Variants in ESRRG observed in about 807,000 individuals in gnomAD.
ESRRG encodes estrogen-related receptor gamma.
A neutral mutation model predicts 44.0 loss-of-function variants in ESRRG; 13 were observed. The ratio of observed to expected loss-of-function variants is 0.30; its 90% CI spans 0.19 to 0.47. ESRRG has a LOEUF of 0.47. Among genes scored for constraint, ESRRG ranks in the 20% least tolerant of loss-of-function variants. The pLI is 1.00. For missense variants in ESRRG, 395 were observed against 580.6 expected, an observed-to-expected ratio of 0.68 and a Z score of 3.29; for synonymous variants, 215 against 214.6, an observed-to-expected ratio of 1.00 and a Z score of -0.02.
chr1:216,766,063 T>C (rs1377794484), intron 2 of ESRRG, among the ~76,000 whole-genome samples: 1 of 152,112 alleles, frequency 6.6e-6, no homozygotes, highest in African/African-American at 2.4e-5. Context: ...TCGTCACAAA[T>C]CTTGTAAAGT....
At chr1:216,987,837 T>C in intron 1 of ESRRG, among the ~76,000 whole-genome samples, 1 of 152,188 alleles carries the variant, frequency 6.6e-6, no homozygotes. Context: ...TACCAGGGAA[T>C]TGATCCCTCA....
intron 3 of ESRRG, among the ~76,000 whole-genome samples, chr1:216,638,576 GA>G (rs1297782808): frequency 6.6e-6 from 1 of 152,130 alleles, no homozygotes; most frequent in East Asian, 1.9e-4. Flanking sequence ...TGGAAAACAT[GA>G]AATTAAATGC....
intron 2 of ESRRG, among the ~76,000 whole-genome samples, chr1:216,665,741 A>G (rs1376102826): frequency 1.3e-5 from 2 of 152,148 alleles, no homozygotes; most frequent in Non-Finnish European, 2.9e-5. Flanking sequence ...TTAAATACAA[A>G]CAGATTAGCT....
chr1:217,131,581 T>C (rs535299639), intron 1 of ESRRG, among the ~76,000 whole-genome samples: 10 of 152,318 alleles, frequency 6.6e-5, no homozygotes, highest in African/African-American at 2.4e-4. Context: ...AAGAACTGGA[T>C]GAAAGTAAAT....
intron 1 of ESRRG, among the ~76,000 whole-genome samples, chr1:216,942,614 G>A (rs1362816502): frequency 2.0e-5 from 3 of 152,128 alleles, no homozygotes; most frequent in Non-Finnish European, 2.9e-5. Flanking sequence ...TCTTACTGGT[G>A]TAGGATGGTA....
At chr1:216,790,047 C>T (rs1222793297) in intron 2 of ESRRG, among the ~76,000 whole-genome samples, 2 of 152,106 alleles carry the variant, frequency 1.3e-5, no homozygotes, top group Non-Finnish European at 2.9e-5. Flanking sequence ...TGCTCTCTGC[C>T]CCTTTCCTTG....
At chr1:216,834,756 T>G (rs1577065861) in intron 2 of ESRRG, among the ~76,000 whole-genome samples, 1 of 152,140 alleles carries the variant, frequency 6.6e-6, no homozygotes, top group South Asian at 2.1e-4. Context: ...CAACAGATGC[T>G]AGCAATTTGA....
intron 2 of ESRRG, among the ~76,000 whole-genome samples, chr1:216,826,394 T>C (rs1401227558): frequency 6.6e-6 from 1 of 152,180 alleles, no homozygotes; most frequent in African/African-American, 2.4e-5. Flanking sequence ...CCTTGAGCTT[T>C]GAGTGTTAGC....
At chr1:216,842,296 G>A (rs532747961) in intron 2 of ESRRG, among the ~76,000 whole-genome samples, 211 of 152,202 alleles carry the variant, frequency 1.4e-3, no homozygotes, top group African/African-American at 4.8e-3. Flanking sequence ...ACCCTGGTTC[G>A]TAGTTCAGAA....
At chr1:216,883,521 T>C (rs1373333755) in intron 2 of ESRRG, among the ~76,000 whole-genome samples, 1 of 152,120 alleles carries the variant, frequency 6.6e-6, no homozygotes, top group Non-Finnish European at 1.5e-5. Context: ...AGAGATTCTA[T>C]TGCTTCGATG....
At chr1:217,004,842 G>A (rs190954394) in intron 1 of ESRRG, among the ~76,000 whole-genome samples, 4 of 152,202 alleles carry the variant, frequency 2.6e-5, no homozygotes, top group African/African-American at 9.6e-5. Flanking sequence ...CATGATAAAT[G>A]GTATATCACT....
At chr1:216,761,975 A>G (rs1472474326) in intron 2 of ESRRG, among the ~76,000 whole-genome samples, 1 of 152,170 alleles carries the variant, frequency 6.6e-6, no homozygotes, top group Non-Finnish European at 1.5e-5. Context: ...GCTATTAACA[A>G]TAACAATAGT....
At chr1:216,776,856 G>A (rs2093633713) in intron 2 of ESRRG, among the ~76,000 whole-genome samples, 1 of 152,148 alleles carries the variant, frequency 6.6e-6, no homozygotes, top group Non-Finnish European at 1.5e-5. Context: ...TAGAAGTGTG[G>A]CCAGATGGGG....
intron 2 of ESRRG, among the ~76,000 whole-genome samples, chr1:216,878,895 A>G (rs2096398631): frequency 1.3e-5 from 2 of 152,200 alleles, no homozygotes; most frequent in Admixed American, 1.3e-4. Flanking sequence ...AGATTTACGC[A>G]TCGTATTTAT....
chr1:216,826,188 CA>C (rs200086765), intron 2 of ESRRG, among the ~76,000 whole-genome samples: 12,262 of 142,818 alleles, frequency 0.086, 692 homozygotes, highest in East Asian at 0.27. Flanking sequence ...TGTTTAAGGA[CA>C]AAAAAAAAAA....
intron 1 of ESRRG, among the ~76,000 whole-genome samples, chr1:217,041,224 G>C (rs2083802919): frequency 6.6e-6 from 1 of 152,060 alleles, no homozygotes; most frequent in Non-Finnish European, 1.5e-5. Context: ...CAGAAACACT[G>C]TAAAAAGATC....
At chr1:217,117,689 TTA>T (rs2092749868) in intron 1 of ESRRG, among the ~76,000 whole-genome samples, 1 of 152,180 alleles carries the variant, frequency 6.6e-6, no homozygotes, top group Non-Finnish European at 1.5e-5. Context: ...CTTGATATTA[TTA>T]TATATGTTAT....
chr1:216,548,759 C>T (rs532996595), intron 5 of ESRRG, among the ~76,000 whole-genome samples: 17 of 152,056 alleles, frequency 1.1e-4, no homozygotes, highest in Non-Finnish European at 2.4e-4. Context: ...GTCCGTATTC[C>T]CCAATAGACT....
chr1:216,875,920 C>T (rs1378691619), intron 2 of ESRRG, among the ~76,000 whole-genome samples: 1 of 152,018 alleles, frequency 6.6e-6, no homozygotes, highest in Non-Finnish European at 1.5e-5. Context: ...TTTTAAGACA[C>T]AAACAGCCTT....
Sources: allele counts gnomAD v4.1 joint callset (sites outside exome capture counted in the v4.1 genomes callset), GRCh38; gene constraint gnomAD v4.1.1; transcripts MANE v1.5; gene names NCBI Gene and HGNC (gene_info 2026-07-23, HGNC 2026-07-21).